The following HOXD11 variants were observed in gnomAD, a reference collection of about 807,000 sequenced individuals.
HOXD11 encodes the protein homeobox D11, also known as homeobox protein Hox-D11.
Under a neutral mutation model 23.1 loss-of-function variants are expected in HOXD11, and 16 were observed. The ratio of observed to expected loss-of-function variants is 0.69; its 90% CI spans 0.47 to 1.05. The LOEUF is 1.05. HOXD11 is among the 50% of genes least tolerant of loss of function. The pLI is 0.00. For synonymous variants in HOXD11, 262 were observed against 224.4 expected (o/e 1.17, Z -1.50); for missense variants, 564 against 495.6 (o/e 1.14, Z -1.31).
At position 176,108,925 on chromosome 2, in the gene HOXD11, G is replaced by T. The variant is rs1277751660; in HGVS notation, c.800G>T (p.Arg267Leu). 1.2e-6 allele frequency: 2 copies of T among 1,613,616 alleles called. No homozygotes were observed. Among genetic ancestry groups the T allele is most frequent in the African/African-American group, 1.3e-5 (1 of 74,864 alleles). Reference protein sequence around the residue: ...SSSAVAPQRSRKKRCPYTKYQ... With the variant: ...SSSAVAPQRSLKKRCPYTKYQ... The stretch of plus-strand genomic sequence containing the variant: ...CTTGCAGTTGCCCCCCAGCGGTCCC[G>T]GAAAAAGCGCTGTCCCTATACCAAG... The change falls in exon 2 of 2, where the codon CGG becomes CTG. Residue 267 changes from arginine (R) to leucine (L), a missense_variant. Transcript: ENST00000249504.
chr2:176,107,533 G>T lies in HOXD11; in HGVS notation c.178G>T (p.Glu60Ter). ...GGCTCCGCACGTCCAGCCCGTGCGC[G>T]AAGTGGCCTTCCGCGACTACGGCCT... The part of the protein sequence containing the change: ...NLAPHVQPVR[E>*]VAFRDYGLER... The change falls in exon 1 of 2, where the codon GAA becomes TAA. Residue 60 changes from glutamate (E) to a stop codon, truncating the protein, a stop_gained. Transcript: ENST00000249504. LOFTEE classifies it high-confidence loss of function. 2 of 1,612,970 alleles carry T rather than the reference G, an allele frequency of 1.2e-6. No individual in the cohort carries two copies. Among genetic ancestry groups the T allele is most frequent in the Non-Finnish European group, 1.7e-6 (2 of 1,179,568 alleles).
At chr2:176,109,968 A>G (rs978064044), downstream of HOXD11, among the ~76,000 whole-genome samples, 6 of 152,210 alleles carry the variant, frequency 3.9e-5, no homozygotes, top group African/African-American at 1.4e-4. Context: ...AAAGACAGCA[A>G]CCATTTTTAA....
chr2:176,107,281 T>C lies in HOXD11; in HGVS notation c.-75T>C. 1 of 1,552,590 alleles carries C rather than the reference T, an allele frequency of 6.4e-7. No homozygotes were observed. The highest frequency in any genetic ancestry group is 2.4e-5 in the East Asian group (1 of 41,062). On this transcript the variant is annotated 5_prime_UTR_variant, in exon 1 of 2. Coordinates refer to ENST00000249504, the MANE Select transcript of HOXD11 (RefSeq NM_021192.3). Reference sequence around the variant, plus strand: ...TGCTTAGTTGATCCTGGCCCAAGCCTCTTGTGCAATCGATGGCTCAGGTTG... The same window carrying C: ...TGCTTAGTTGATCCTGGCCCAAGCCCCTTGTGCAATCGATGGCTCAGGTTG...
chr2:176,113,047 G>C (rs1350331007), downstream of HOXD11, among the ~76,000 whole-genome samples: 1 of 152,226 alleles, frequency 6.6e-6, no homozygotes, highest in African/African-American at 2.4e-5. Flanking sequence ...CCGGCCGCCG[G>C]CCCTTGTTGC....
At chr2:176,113,797 T>C (rs1018013897), downstream of HOXD11, among the ~76,000 whole-genome samples, 1 of 152,172 alleles carries the variant, frequency 6.6e-6, no homozygotes, top group Admixed American at 6.5e-5. Flanking sequence ...GATATACACA[T>C]TTTTGTCTGT....
downstream of HOXD11, among the ~76,000 whole-genome samples, chr2:176,114,497 T>G (rs1315500920): frequency 1.3e-5 from 2 of 151,674 alleles, no homozygotes; most frequent in Non-Finnish European, 2.9e-5. Flanking sequence ...AACAGCTGCG[T>G]AAAGGTTTAA....
chr2:176,108,072 A>T lies in HOXD11; in HGVS notation c.717A>T (p.Glu239Asp). Residue 239 changes from glutamate to aspartate, a missense_variant, in exon 1 of 2, where the codon GAA (glutamate) becomes GAT (aspartate). Transcript: ENST00000249504. ...GCTCGGAGCCCAAGGGGGCAGCAGA[A>T]GGCAGCGGTGGCGACGGCGAGGGCC... ...TPGSEPKGAA[E>D]GSGGDGEGPP... 1.4e-6 allele frequency: 2 copies of T among 1,475,850 alleles called. No individual in the cohort carries two copies. Among genetic ancestry groups the T allele is most frequent in the Admixed American group, 2.3e-5 (1 of 43,144 alleles). The allele number at this position is 1,475,850 out of a possible 1,614,324, so 91.4% of individuals were successfully genotyped here. A position where few individuals can be genotyped will look rare whatever the true frequency, so the allele number is the denominator to read the frequency against.
chr2:176,110,756 A>T (rs1689662860), downstream of HOXD11, among the ~76,000 whole-genome samples: 1 of 152,220 alleles, frequency 6.6e-6, no homozygotes, highest in Non-Finnish European at 1.5e-5. Context: ...TGACCACACA[A>T]AATCATACCA....
rs1373885204 is a variant in HOXD11, at chr2:176,109,015, T to G, written c.890T>G (p.Leu297Arg). The stretch of plus-strand genomic sequence containing the variant: ...GTGTACATAAACAAAGAGAAAAGAC[T>G]TCAACTCTCTCGGATGCTCAACCTC... ...FNVYINKEKR[L>R]QLSRMLNLTD... is the part of the protein sequence containing the mutation. The change falls in exon 2 of 2, where the codon CTT (leucine) becomes CGT (arginine). Residue 297 changes from leucine to arginine, a missense_variant. By Grantham distance (102) the Leu-to-Arg change is moderately radical. Coordinates refer to ENST00000249504, the MANE Select transcript of HOXD11 (RefSeq NM_021192.3). The G allele has an allele frequency of 6.2e-7, 1 of 1,613,870 alleles. No individual in the cohort carries two copies. Among genetic ancestry groups the G allele is most frequent in the African/African-American group, 1.3e-5 (1 of 74,920 alleles).
downstream of HOXD11, among the ~76,000 whole-genome samples, chr2:176,113,745 TA>T (rs1168362257): frequency 2.0e-5 from 3 of 152,320 alleles, no homozygotes; most frequent in East Asian, 3.9e-4. Flanking sequence ...ATTTTAAAGA[TA>T]AAAAATAGAA....
At position 176,109,268 on chromosome 2, in the gene HOXD11, T is replaced by G; in HGVS notation, c.*126T>G. The G allele has an allele frequency of 1.5e-6, 1 of 675,978 alleles. No homozygotes were observed. The highest frequency in any genetic ancestry group is 2.6e-6 in the Non-Finnish European group (1 of 382,894). 41.9% of individuals were successfully genotyped at this position (675,978 alleles called of 1,614,324 possible). Reference sequence around the variant, plus strand: ...TTCTCTGTGGAACTTCACGATTCCTTCCCACGGTCAACTCGGGACCTCCCA... The same window carrying G: ...TTCTCTGTGGAACTTCACGATTCCTGCCCACGGTCAACTCGGGACCTCCCA... On this transcript the variant is annotated 3_prime_UTR_variant, in exon 2 of 2. Coordinates refer to ENST00000249504, the MANE Select transcript of HOXD11 (RefSeq NM_021192.3).
In HOXD11 at chr2:176,109,537, G is replaced by A. The variant is rs1689646675; in HGVS notation, c.*395G>A. The A allele has an allele frequency of 3.8e-6, 1 of 261,854 alleles. No individual in the cohort carries two copies. The highest frequency in any genetic ancestry group is 7.3e-6 in the Non-Finnish European group (1 of 136,166). The allele number at this position is 261,854 out of a possible 1,614,324, so 16.2% of individuals were successfully genotyped here. On this transcript the variant is annotated 3_prime_UTR_variant, in exon 2 of 2. Transcript: ENST00000249504. ...AGAGATCCCTTCCTTCCTCTTCGGT[G>A]AATGCAGGTTATTTAAACTTTGGGA...
In HOXD11 at chr2:176,107,931, G is replaced by A; in HGVS notation, c.576G>A (p.Gly192=). The part of the protein sequence containing the change: ...YEAAPGPPFA[G]PQPPPPPAPP... ...CAGCGCCCGGGCCCCCGTTCGCCGGGCCGCAGCCCCCGCCGCCACCCGCGC... is the reference window on the plus strand; with the variant it reads ...CAGCGCCCGGGCCCCCGTTCGCCGGACCGCAGCCCCCGCCGCCACCCGCGC... The change falls in exon 1 of 2, where the codon GGG becomes GGA. Residue 192 remains glycine, a synonymous_variant. Coordinates refer to ENST00000249504, the MANE Select transcript of HOXD11 (RefSeq NM_021192.3). 4 of 1,416,708 alleles carry A rather than the reference G, an allele frequency of 2.8e-6. No homozygotes were observed. The highest frequency in any genetic ancestry group is 3.1e-5 in the East Asian group (1 of 31,862). 87.8% of individuals were successfully genotyped at this position (1,416,708 alleles called of 1,614,324 possible). A position where few individuals can be genotyped will look rare whatever the true frequency, so the allele number is the denominator to read the frequency against.
At chr2:176,108,184 AGGG>A (rs71004257) in intron 1 of HOXD11, 48 bp downstream of exon 1, 17 of 141,758 alleles carry the variant, frequency 1.2e-4, no homozygotes, top group South Asian at 5.6e-4. Flanking sequence ...GCCGCGGGGG[AGGG>A]GGGGGGGGCG....
At chr2:176,113,071 C>T (rs1292606295), downstream of HOXD11, among the ~76,000 whole-genome samples, 2 of 152,192 alleles carry the variant, frequency 1.3e-5, no homozygotes, top group East Asian at 3.9e-4. Context: ...TCTGGATAGA[C>T]CCCTTATTGC....
intron 1 of HOXD11, 70 bp from the exon 2 acceptor site, chr2:176,108,837 C>A: frequency 1.9e-6 from 2 of 1,040,452 alleles, no homozygotes; most frequent in Non-Finnish European, 2.8e-6. Context: ...GCTCAGTGGC[C>A]CGGGCGGGCG....
At chr2:176,115,322 A>T in the HOXD11 span, among the ~76,000 whole-genome samples, 1 of 152,242 alleles carries the variant, frequency 6.6e-6, no homozygotes, top group Non-Finnish European at 1.5e-5. Context: ...ATTGTCCAAA[A>T]CTGTAAAACT....
downstream of HOXD11, chr2:176,109,874 T>A (rs1689651325): frequency 6.4e-6 from 1 of 155,784 alleles, no homozygotes; most frequent in Non-Finnish European, 1.4e-5. Context: ...CGCTGCCTTC[T>A]CCAGGCAGTA....
At chr2:176,108,182 G>A in intron 1 of HOXD11, 46 bp downstream of exon 1, 7 of 924,464 alleles carry the variant, frequency 7.6e-6, no homozygotes, top group South Asian at 2.6e-5. Flanking sequence ...GGGCCGCGGG[G>A]GAGGGGGGGG....
Sources: allele counts gnomAD v4.1 joint callset (sites outside exome capture counted in the v4.1 genomes callset), GRCh38; gene constraint gnomAD v4.1.1; transcripts MANE v1.5; gene names NCBI Gene and HGNC (gene_info 2026-07-23, HGNC 2026-07-21).